ANO3: variants seen among roughly 807,000 people sequenced by gnomAD.
The protein encoded by ANO3 is anoctamin-3.
In ANO3, 99 loss-of-function variants were observed where a neutral mutation model predicts 144.8. The observed-to-expected ratio is 0.68, with a 90% CI of 0.58 to 0.81. The LOEUF (loss-of-function observed/expected upper bound fraction) is 0.81. Among genes scored for constraint, ANO3 ranks in the 30% least tolerant of loss-of-function variants. ANO3 has a pLI of 0.00. For missense variants in ANO3, 905 were observed against 1,202.2 expected (o/e 0.75, Z 3.66); for synonymous variants, 414 against 392.6 (o/e 1.05, Z -0.64).
rs78084807 is a variant in ANO3 at position 26,477,537 on chromosome 11, T to C, written c.432+14389T>C. On this transcript the variant is annotated intron_variant, in intron 4 of 26. Coordinates refer to ENST00000256737, the MANE Select transcript of ANO3 (RefSeq NM_031418.4). ...TAGCACTTGCACCTCCGCCCCCTCATAGCACAAATCACACAAATTGCAATT... is the reference window on the plus strand; with the variant it reads ...TAGCACTTGCACCTCCGCCCCCTCACAGCACAAATCACACAAATTGCAATT... Among the ~76,000 whole-genome samples the C allele has an allele frequency of 2.0e-4, 31 of 152,256 alleles. No individual in the cohort carries two copies. The East Asian group carries it at 5.8e-3, about 28-fold the overall frequency.
At chr11:26,655,250 A>G (rs893643415) in intron 24 of ANO3, among the ~76,000 whole-genome samples, 2 of 152,144 alleles carry the variant, frequency 1.3e-5, no homozygotes, top group African/African-American at 4.8e-5. Flanking sequence ...GCCCCATGCA[A>G]TTGGTAAAAT....
intron 14 of ANO3, among the ~76,000 whole-genome samples, chr11:26,580,776 A>G (rs1851107986): frequency 6.6e-6 from 1 of 152,236 alleles, no homozygotes; most frequent in African/African-American, 2.4e-5. Flanking sequence ...GAGTTTTGCC[A>G]TAAAGCAAAA....
chr11:26,590,906 CAG>C (rs1284560594), intron 14 of ANO3, among the ~76,000 whole-genome samples: 1 of 152,096 alleles, frequency 6.6e-6, no homozygotes, highest in African/African-American at 2.4e-5. Flanking sequence ...AGAGTGAAAA[CAG>C]AGCTCCCATA....
At chr11:26,305,271 CT>C (rs1322441596), upstream of ANO3, among the ~76,000 whole-genome samples, 4 of 151,508 alleles carry the variant, frequency 2.6e-5, no homozygotes, top group Non-Finnish European at 4.4e-5. Flanking sequence ...GTTTAGATGT[CT>C]TTATTTATTG....
chr11:26,211,979 G>A (rs950403235), intron 1 of ANO3, among the ~76,000 whole-genome samples: 2 of 152,110 alleles, frequency 1.3e-5, no homozygotes, highest in African/African-American at 4.8e-5. Context: ...AACACTGCAT[G>A]TTCTCACTGA....
At chr11:26,467,877 G>A (rs1461700706) in intron 4 of ANO3, among the ~76,000 whole-genome samples, 7 of 151,854 alleles carry the variant, frequency 4.6e-5, no homozygotes, top group African/African-American at 7.3e-5. Context: ...TGAAAGGAAA[G>A]GAACATTCCC....
intron 26 of ANO3, among the ~76,000 whole-genome samples, chr11:26,656,868 A>T (rs1285355916): frequency 6.6e-6 from 1 of 152,146 alleles, no homozygotes; most frequent in African/African-American, 2.4e-5. Flanking sequence ...ATCAATTCCA[A>T]TTACAGTTGA....
chr11:26,258,241 T>G (rs1853103868), intron 1 of ANO3, among the ~76,000 whole-genome samples: 1 of 152,160 alleles, frequency 6.6e-6, no homozygotes, highest in Non-Finnish European at 1.5e-5. Flanking sequence ...TTTGACTCTT[T>G]TATATGGATC....
intron 12 of ANO3, among the ~76,000 whole-genome samples, chr11:26,550,200 ATAAAT>A (rs1385911398): frequency 6.7e-6 from 1 of 149,682 alleles, no homozygotes; most frequent in Non-Finnish European, 1.5e-5. Flanking sequence ...TATTACAGAA[ATAAAT>A]TAACACAATT....
At chr11:26,533,695 A>G (rs1489446951) in intron 8 of ANO3, among the ~76,000 whole-genome samples, 1 of 152,194 alleles carries the variant, frequency 6.6e-6, no homozygotes, top group Non-Finnish European at 1.5e-5. Flanking sequence ...GACCCAGAAC[A>G]AAAAGCTGGA....
intron 1 of ANO3, among the ~76,000 whole-genome samples, chr11:26,235,006 G>GAGAGAGAGAGAGAGAC (rs1852486590): frequency 6.6e-6 from 1 of 151,454 alleles, no homozygotes; most frequent in African/African-American, 2.4e-5. Context: ...AAAAGAAAGA[G>GAGAGAGAGAGAGAGAC]AGAGAGAGAG....
chr11:26,595,460 G>GTTTTTTTTTTTTTTTTTTTTTTTTTTTT (rs201712393), intron 14 of ANO3, among the ~76,000 whole-genome samples: 1 of 101,382 alleles, frequency 9.9e-6, no homozygotes, highest in African/African-American at 4.2e-5. Flanking sequence ...AGATAGAGTT[G>GTTTTTTTTTTTTTTTTTTTTTTTTTTTT]TTTTTTTTTT....
At chr11:26,465,541 A>G (rs982721136) in intron 4 of ANO3, among the ~76,000 whole-genome samples, 2 of 151,854 alleles carry the variant, frequency 1.3e-5, no homozygotes, top group African/African-American at 4.8e-5. Context: ...CTCCTAATAC[A>G]AACTACATAG....
intron 3 of ANO3, among the ~76,000 whole-genome samples, chr11:26,444,563 A>C (rs1033393173): frequency 6.6e-6 from 1 of 152,160 alleles, no homozygotes; most frequent in Non-Finnish European, 1.5e-5. Flanking sequence ...CATTCAGATC[A>C]CTGGAGGGCT....
rs1851701021 is a variant in ANO3, at chr11:26,598,415, A to G, written c.1498A>G (p.Thr500Ala). The G allele has an allele frequency of 6.3e-7, 1 of 1,593,306 alleles. No homozygotes were observed. Among genetic ancestry groups the G allele is most frequent in the Non-Finnish European group, 8.5e-7 (1 of 1,171,080 alleles). ...AAGGAGAAGGAGTATACTGACCTATACTTGGGACCTTATCGAATGGGAAGA... is the reference window on the plus strand; with the variant it reads ...AAGGAGAAGGAGTATACTGACCTATGCTTGGGACCTTATCGAATGGGAAGA... Reference protein sequence around the residue: ...WKRRRSILTYTWDLIEWEEEE... With the variant: ...WKRRRSILTYAWDLIEWEEEE... Residue 500 changes from threonine (T) to alanine (A), a missense_variant, in exon 15 of 27, where the codon ACT (threonine) becomes GCT (alanine). Thr to Ala is a moderately conservative substitution (Grantham distance 58). This residue lies in a region of ANO3 where 597 missense variants were observed against 865.1 expected (regional missense o/e 0.69). Transcript: ENST00000256737.
At chr11:26,610,308 ATTT>A (rs34715952) in intron 17 of ANO3, among the ~76,000 whole-genome samples, 1,584 of 130,282 alleles carry the variant, frequency 0.012, 31 homozygotes, top group African/African-American at 0.042. Flanking sequence ...GATGTTGAGC[ATTT>A]TTTTTTTTTT....
chr11:26,598,471 A>C, intron 15 of ANO3, 24 bp downstream of exon 15: 1 of 1,497,966 alleles, frequency 6.7e-7, no homozygotes, highest in South Asian at 1.2e-5. Context: ...ATACAAGGAA[A>C]TAGGGAAACT....
chr11:26,297,938 A>T (rs1224915996), intron 1 of ANO3, among the ~76,000 whole-genome samples: 2 of 152,194 alleles, frequency 1.3e-5, no homozygotes, highest in Non-Finnish European at 2.9e-5. Flanking sequence ...CCACAGCCCC[A>T]TTCTTTCCAC....
intron 1 of ANO3, among the ~76,000 whole-genome samples, chr11:26,408,094 C>T (rs1280747653): frequency 6.6e-6 from 1 of 151,922 alleles, no homozygotes; most frequent in Non-Finnish European, 1.5e-5. Flanking sequence ...ACACCAAAAG[C>T]AATGGCAACA....
Sources: gnomAD v4.1 joint callset for allele counts (sites outside exome capture counted in the v4.1 genomes callset) on GRCh38, gnomAD v4.1.1 for gene constraint, gnomAD v4.1.1 regional missense constraint, MANE v1.5 for transcripts, NCBI Gene and HGNC (gene_info 2026-07-23, HGNC 2026-07-21) for gene names.